GAPDHS: variants seen among roughly 807,000 people sequenced by gnomAD.
GAPDHS encodes the protein glyceraldehyde-3-phosphate dehydrogenase, testis-specific.
GAPDHS carries 42 observed loss-of-function variants against 48.7 expected under a neutral mutation model. The ratio of observed to expected loss-of-function variants is 0.86; its 90% CI spans 0.67 to 1.12. The LOEUF (loss-of-function observed/expected upper bound fraction) is 1.12, where lower values mean the gene tolerates loss of function less well. GAPDHS is among the 50% of genes most tolerant of loss of function. The pLI is 0.00. For missense variants in GAPDHS, 512 were observed against 557.7 expected, an observed-to-expected ratio of 0.92 and a Z score of 0.82; for synonymous variants, 166 against 219.1, an observed-to-expected ratio of 0.76 and a Z score of 2.14.
intron 2 of GAPDHS, among the ~76,000 whole-genome samples, chr19:35,537,947 G>A (rs759061735): frequency 3.9e-5 from 6 of 152,092 alleles, no homozygotes; most frequent in Non-Finnish European, 8.8e-5. Context: ...GTGGTGGTAC[G>A]CGCCTGTAGT....
chr19:35,542,270 G>A (rs372019220), intron 4 of GAPDHS, 49 bp from the exon 5 acceptor site: 258 of 1,270,114 alleles, frequency 2.0e-4, no homozygotes, highest in South Asian at 1.9e-3. Flanking sequence ...GACTATGAAG[G>A]TGGGGCTCAA....
intron 2 of GAPDHS, among the ~76,000 whole-genome samples, chr19:35,537,298 G>A (rs907840749): frequency 2.0e-5 from 3 of 152,218 alleles, no homozygotes; most frequent in African/African-American, 7.2e-5. Flanking sequence ...GGGAGAAGGT[G>A]TCATTGGAGC....
intron 1 of GAPDHS, among the ~76,000 whole-genome samples, chr19:35,534,479 G>C (rs1479499594): frequency 6.6e-6 from 1 of 152,162 alleles, no homozygotes; most frequent in Non-Finnish European, 1.5e-5. Context: ...TCGGGATTCA[G>C]TGGGAGGACG....
chr19:35,538,640 G>A lies in GAPDHS; in HGVS notation c.406G>A (p.Gly136Arg). 2.5e-6 allele frequency: 4 copies of A among 1,611,566 alleles called. No individual in the cohort carries two copies. Among genetic ancestry groups the A allele is most frequent in the South Asian group, 1.1e-5 (1 of 91,034 alleles). ...CAAGGGAAGTGTGGAATTCAGGAAT[G>A]GACAACTGGTCGTGGACAACCATGA... ...RYKGSVEFRN[G>R]QLVVDNHEIS... The change falls in exon 4 of 11, where the codon GGA (glycine) becomes AGA (arginine). Residue 136 changes from glycine (G) to arginine (R), a missense_variant. Gly to Arg is a moderately radical substitution (Grantham distance 125, BLOSUM62 -2). Transcript: ENST00000222286.
rs2071514225 is a variant in GAPDHS, at chr19:35,542,849, A to C, written c.660-96A>C. The C allele has an allele frequency of 1.3e-5, 12 of 946,176 alleles. No homozygotes were observed. The South Asian group carries it at 1.5e-4, about 12-fold the overall frequency. The allele number at this position is 946,176 out of a possible 1,614,324, so 58.6% of individuals were successfully genotyped here. ...CTCACCCTCATCCTGACGTTTCATA[A>C]AACCAAGTCTGCGTGCATACCCCAA... is the stretch of plus-strand genomic sequence containing the variant. On this transcript the variant is annotated intron_variant, in intron 6 of 10. Transcript: ENST00000222286.
At chr19:35,542,287 G>A in intron 4 of GAPDHS, 32 bp from the exon 5 acceptor site, 5 of 1,430,924 alleles carry the variant, frequency 3.5e-6, no homozygotes, top group Non-Finnish European at 4.9e-6. Context: ...TCAAGCAGGG[G>A]AGACTGACTC....
At chr19:35,536,735 G>A in intron 1 of GAPDHS, 78 bp from the exon 2 acceptor site, 1 of 1,271,304 alleles carries the variant, frequency 7.9e-7, no homozygotes, top group Non-Finnish European at 1.1e-6. Context: ...GCCAGCAACA[G>A]ATTCTGGGCA....
At position 35,543,352 on chromosome 19, in the gene GAPDHS, T is replaced by C. The variant is rs749729787; in HGVS notation, c.754T>C (p.Ser252Pro). Reference protein sequence around the residue: ...IVEGLMTTVHSYTATQKTVDG... With the variant: ...IVEGLMTTVHPYTATQKTVDG... ...TCTCTTCCCCAAGACCACAGTCCAT[T>C]CCTACACGGCCACCCAGAAGACAGT... is the stretch of plus-strand genomic sequence containing the variant. The change falls in exon 8 of 11, where the codon TCC becomes CCC. Residue 252 changes from serine (S) to proline (P), a missense_variant. Physicochemically the swap from Ser to Pro is moderately conservative, Grantham distance 74 (BLOSUM62 -1). Coordinates refer to ENST00000222286, the MANE Select transcript of GAPDHS (RefSeq NM_014364.5). 5 of 1,612,388 alleles carry C rather than the reference T, an allele frequency of 3.1e-6. No homozygotes were observed. Among genetic ancestry groups the C allele is most frequent in the Non-Finnish European group, 4.2e-6 (5 of 1,179,506 alleles).
At chr19:35,544,025 C>A in intron 9 of GAPDHS, 198 bp downstream of exon 9, 1 of 989,996 alleles carries the variant, frequency 1.0e-6, no homozygotes, top group Non-Finnish European at 1.4e-6. Context: ...ACAGTCTGTC[C>A]TTACTTCCTC....
At chr19:35,537,046 T>C in intron 2 of GAPDHS, 56 bp downstream of exon 2, 1 of 1,409,206 alleles carries the variant, frequency 7.1e-7, no homozygotes. Context: ...GCCCCTCCTC[T>C]GGCTGCTAAC....
At chr19:35,535,978 G>C (rs908851825) in intron 1 of GAPDHS, among the ~76,000 whole-genome samples, 2 of 151,634 alleles carry the variant, frequency 1.3e-5, no homozygotes, top group Admixed American at 6.6e-5. Context: ...GACCTCAAGT[G>C]ATCCACCCAC....
chr19:35,541,641 A>G lies in GAPDHS; in HGVS notation c.450-678A>G, dbSNP rs1296813382. 4 of 147,544 alleles carry G rather than the reference A, an allele frequency of 2.7e-5. No homozygotes were observed. In the Admixed American group the frequency reaches 2.7e-4, roughly 10 times the overall value. The allele number at this position is 147,544 out of a possible 1,614,324, so 9.1% of individuals were successfully genotyped here. A position where few individuals can be genotyped will look rare whatever the true frequency, so the allele number is the denominator to read the frequency against. Reference sequence around the variant, plus strand: ...ACTTAATGCTTGTTTGCTAAAGCCAAGTAGAAAACGGCAATACTAGATGTT... The same window carrying G: ...ACTTAATGCTTGTTTGCTAAAGCCAGGTAGAAAACGGCAATACTAGATGTT... On this transcript the variant is annotated intron_variant, in intron 4 of 10. Transcript: ENST00000222286.
intron 4 of GAPDHS, 79 bp from the exon 5 acceptor site, chr19:35,542,240 G>A: frequency 3.0e-6 from 3 of 992,636 alleles, no homozygotes; most frequent in African/African-American, 1.6e-5. Context: ...TGCTCAGCCT[G>A]TCAAATGGTG....
Position 35,544,951 on chromosome 19 carries a change from T to C in GAPDHS, c.1099T>C (p.Phe367Leu). The C allele has an allele frequency of 6.2e-7, 1 of 1,614,048 alleles. No individual in the cohort carries two copies. The highest frequency in any genetic ancestry group is 1.1e-5 in the South Asian group (1 of 91,088). Residue 367 changes from phenylalanine (F) to leucine (L), a missense_variant, in exon 10 of 11, where the codon TTC becomes CTC. Phe to Leu is a conservative substitution (Grantham distance 22). Transcript: ENST00000222286. ...CCTCGGTGATACCCACTCGTCCATC[T>C]TCGATGCTAAGGCCGGCATTGCGCT... is the stretch of plus-strand genomic sequence containing the variant. ...DFLGDTHSSI[F>L]DAKAGIALND...
chr19:35,536,692 CTGGGCTAAA>C (rs1215594108), intron 1 of GAPDHS, 112 bp from the exon 2 acceptor site: 34 of 748,094 alleles, frequency 4.5e-5, no homozygotes, highest in Non-Finnish European at 7.1e-5. Context: ...TTGGGAAACA[CTGGGCTAAA>C]TGGTTGGTCA....
At chr19:35,544,297 T>C (rs1400532041) in intron 9 of GAPDHS, 2 of 166,516 alleles carry the variant, frequency 1.2e-5, no homozygotes, top group African/African-American at 2.4e-5. Flanking sequence ...GGCCAGGCCA[T>C]GGCCAGATGC....
intron 4 of GAPDHS, chr19:35,542,068 T>G: frequency 5.8e-6 from 3 of 518,536 alleles, no homozygotes; most frequent in South Asian, 2.1e-5. Context: ...GTTGGGGAGG[T>G]CACCACCTGT....
intron 1 of GAPDHS, among the ~76,000 whole-genome samples, chr19:35,534,517 C>G (rs1348774692): frequency 6.6e-6 from 1 of 152,156 alleles, no homozygotes; most frequent in East Asian, 1.9e-4. Flanking sequence ...CAGCACCCAG[C>G]TAGCCCCCAG....
chr19:35,542,558 C>T lies in GAPDHS; in HGVS notation c.609C>T (p.Val203=), dbSNP rs2239945. Residue 203 remains valine (V), a synonymous_variant, in exon 6 of 11, where the codon GTC becomes GTT. Coordinates refer to ENST00000222286, the MANE Select transcript of GAPDHS (RefSeq NM_014364.5). The part of the protein sequence containing the change: ...SAPSPDAPMF[V]MGVNENDYNP... ...CCTCACCGGATGCACCAATGTTCGTCATGGGTGTCAATGAAAATGACTATA... is the reference window on the plus strand; with the variant it reads ...CCTCACCGGATGCACCAATGTTCGTTATGGGTGTCAATGAAAATGACTATA... The T allele has an allele frequency of 0.15, 249,174 of 1,612,976 alleles. 24,084 individuals are homozygous for T. The highest frequency in any genetic ancestry group is 0.39 in the East Asian group (17,577 of 44,846).
Sources: gnomAD v4.1 joint callset for allele counts (sites outside exome capture counted in the v4.1 genomes callset) on GRCh38, gnomAD v4.1.1 for gene constraint, MANE v1.5 for transcripts, NCBI Gene and HGNC (gene_info 2026-07-23, HGNC 2026-07-21) for gene names.